Variants in CNTN4 observed in about 807,000 individuals in gnomAD.
CNTN4 encodes contactin-4.
Under a neutral mutation model 122.5 loss-of-function variants are expected in CNTN4, and 77 were observed. The ratio of observed to expected loss-of-function variants is 0.63; its 90% CI spans 0.52 to 0.76. The LOEUF is 0.76. Ranked by LOEUF, CNTN4 falls within the 30% of genes least tolerant of loss-of-function variation. The pLI, the probability that CNTN4 is intolerant of heterozygous loss-of-function variation, is 0.00. For missense variants in CNTN4, 1,256 were observed against 1,259.1 expected, an observed-to-expected ratio of 1.00 and a Z score of 0.04; for synonymous variants, 512 against 447.0, an observed-to-expected ratio of 1.15 and a Z score of -1.83.
intron 7 of CNTN4, among the ~76,000 whole-genome samples, chr3:2,853,737 T>C (rs1273103828): frequency 6.6e-6 from 1 of 152,208 alleles, no homozygotes; most frequent in African/African-American, 2.4e-5. Flanking sequence ...GCTCTCTGTT[T>C]TGGCGTCTTG....
At chr3:2,521,343 T>TCGTCCCCC (rs781282977) in intron 3 of CNTN4, among the ~76,000 whole-genome samples, 1 of 128,310 alleles carries the variant, frequency 7.8e-6, no homozygotes, top group African/African-American at 3.1e-5. Flanking sequence ...CCTCTACCCA[T>TCGTCCCCC]CCCCCCCACC....
chr3:2,145,177 G>C, intron 2 of CNTN4, among the ~76,000 whole-genome samples: 1 of 152,192 alleles, frequency 6.6e-6, no homozygotes, highest in South Asian at 2.1e-4. Context: ...GAGAGTTTGT[G>C]ACCCACAACT....
chr3:2,795,302 C>G (rs942794314), intron 6 of CNTN4, among the ~76,000 whole-genome samples: 1 of 152,128 alleles, frequency 6.6e-6, no homozygotes, highest in Non-Finnish European at 1.5e-5. Context: ...CTGACCTTTT[C>G]CTGGTGGCAT....
intron 4 of CNTN4, among the ~76,000 whole-genome samples, chr3:2,672,126 C>T (rs1359686594): frequency 6.6e-6 from 1 of 152,180 alleles, no homozygotes. Context: ...GGAGAACCAC[C>T]ACTGTCTTCC....
At chr3:3,004,514 T>C (rs1023098073) in intron 14 of CNTN4, among the ~76,000 whole-genome samples, 1 of 152,234 alleles carries the variant, frequency 6.6e-6, no homozygotes, top group Non-Finnish European at 1.5e-5. Context: ...ATCTGTTCCC[T>C]TTTCTTCTAA....
At chr3:2,234,631 T>C (rs919603029) in intron 2 of CNTN4, among the ~76,000 whole-genome samples, 1 of 152,214 alleles carries the variant, frequency 6.6e-6, no homozygotes, top group African/African-American at 2.4e-5. Context: ...AAAAGTCAAA[T>C]AATTTTCTTT....
intron 2 of CNTN4, among the ~76,000 whole-genome samples, chr3:2,323,673 T>A (rs2043348457): frequency 6.6e-6 from 1 of 152,102 alleles, no homozygotes; most frequent in South Asian, 2.1e-4. Context: ...CAGAATTTGG[T>A]CAAAGCAACT....
chr3:2,822,052 A>C (rs1039612685), intron 7 of CNTN4, among the ~76,000 whole-genome samples: 2 of 152,346 alleles, frequency 1.3e-5, no homozygotes, highest in African/African-American at 4.8e-5. Flanking sequence ...GAGAGGTGGG[A>C]GAGGTAGGTT....
At chr3:2,945,244 T>A (rs1310765579) in intron 13 of CNTN4, among the ~76,000 whole-genome samples, 2 of 152,116 alleles carry the variant, frequency 1.3e-5, no homozygotes, top group Non-Finnish European at 2.9e-5. Context: ...TCATTATTTT[T>A]AAAAAAATGT....
chr3:2,897,730 G>A (rs904388307), intron 10 of CNTN4, among the ~76,000 whole-genome samples: 4 of 152,074 alleles, frequency 2.6e-5, no homozygotes, highest in Non-Finnish European at 5.9e-5. Flanking sequence ...CACTGTATTT[G>A]ACTATGACCA....
At chr3:2,270,400 G>A (rs1286622817) in intron 2 of CNTN4, among the ~76,000 whole-genome samples, 1 of 152,044 alleles carries the variant, frequency 6.6e-6, no homozygotes, top group African/African-American at 2.4e-5. Context: ...TTTAAAGTGT[G>A]TACATTGGGG....
chr3:2,279,922 A>G (rs867134797), intron 2 of CNTN4, among the ~76,000 whole-genome samples: 47 of 151,002 alleles, frequency 3.1e-4, no homozygotes, highest in African/African-American at 1.1e-3. Context: ...ATCTAGCTAT[A>G]TATATTTAGA....
At chr3:2,687,220 C>T (rs2085474966) in intron 4 of CNTN4, among the ~76,000 whole-genome samples, 1 of 9,106 alleles carries the variant, frequency 1.1e-4, no homozygotes, top group Admixed American at 1.4e-3. Flanking sequence ...GTCTGCAGTG[C>T]GGCAATAGCC....
intron 4 of CNTN4, among the ~76,000 whole-genome samples, chr3:2,669,270 C>T (rs1189034447): frequency 2.0e-5 from 3 of 152,138 alleles, no homozygotes; most frequent in African/African-American, 7.2e-5. Context: ...AATTTCAGAG[C>T]CTGTTATTGG....
chr3:2,208,128 G>T (rs2038446708), intron 2 of CNTN4, among the ~76,000 whole-genome samples: 1 of 152,218 alleles, frequency 6.6e-6, no homozygotes, highest in South Asian at 2.1e-4. Context: ...AAGGCTATCA[G>T]TACCATAGAT....
chr3:2,621,579 T>C (rs1315140892), intron 4 of CNTN4, among the ~76,000 whole-genome samples: 2 of 151,986 alleles, frequency 1.3e-5, no homozygotes, highest in African/African-American at 2.4e-5. Flanking sequence ...CAAACCACCA[T>C]GGCACGTGTA....
intron 6 of CNTN4, among the ~76,000 whole-genome samples, chr3:2,805,968 G>C (rs62234194): frequency 0.24 from 36,778 of 151,920 alleles, 5,390 homozygotes; most frequent in East Asian, 0.44. Flanking sequence ...GTGGTGAGAT[G>C]TCGGCTCACT....
chr3:2,417,807 G>A (rs1044520523), intron 3 of CNTN4, among the ~76,000 whole-genome samples: 1 of 152,074 alleles, frequency 6.6e-6, no homozygotes, highest in East Asian at 1.9e-4. Flanking sequence ...GCACTAAAAA[G>A]AAATGAGCTA....
rs560263301 is a variant in CNTN4, at chr3:2,997,200, C to T, written c.1486+8728C>T. On this transcript the variant is annotated intron_variant, in intron 14 of 24. Coordinates refer to ENST00000418658, the MANE Select transcript of CNTN4 (RefSeq NM_175607.3). ...AAATAAAGAGAAAAGAAAACTTAGG[C>T]ACTTTTACCTTCTGTCTCTAAACAT... Among the ~76,000 whole-genome samples, 4 of 152,326 alleles carry T rather than the reference C, an allele frequency of 2.6e-5. No individual in the cohort carries two copies. The South Asian group carries it at 6.2e-4, about 24-fold the overall frequency.
Sources: allele counts gnomAD v4.1 joint callset (sites outside exome capture counted in the v4.1 genomes callset), GRCh38; gene constraint gnomAD v4.1.1; transcripts MANE v1.5; gene names NCBI Gene and HGNC (gene_info 2026-07-23, HGNC 2026-07-21).